Variants in NCDN observed in about 807,000 individuals in gnomAD.
NCDN encodes norbin.
NCDN carries 9 observed loss-of-function variants against 60.7 expected under a neutral mutation model. The ratio of observed to expected loss-of-function variants is 0.15; its 90% CI spans 0.09 to 0.26. NCDN has a LOEUF of 0.26. Ranked by LOEUF, NCDN falls within the 10% of genes least tolerant of loss-of-function variation. NCDN has a pLI of 1.00. For missense variants in NCDN, 578 were observed against 975.2 expected, an observed-to-expected ratio of 0.59 and a Z score of 5.42; for synonymous variants, 409 against 442.5, an observed-to-expected ratio of 0.92 and a Z score of 0.95.
intron 6 of NCDN, among the ~76,000 whole-genome samples, chr1:35,564,906 A>G (rs1175313000): frequency 6.6e-6 from 1 of 151,228 alleles, no homozygotes; most frequent in African/African-American, 2.4e-5. Flanking sequence ...TCTCTCTCCC[A>G]TCTGACCCTG....
Position 35,566,249 on chromosome 1 carries a change from C to G in NCDN, c.*586C>G, listed in dbSNP as rs935745940. On this transcript the variant is annotated 3_prime_UTR_variant, in exon 7 of 7. Coordinates refer to ENST00000373243, the MANE Select transcript of NCDN (RefSeq NM_014284.3). This position sits in a 1 kb window ranked among gnomAD's most constrained non-coding sequence, Gnocchi z 5.3. The stretch of plus-strand genomic sequence containing the variant: ...CCATCCTAGGGCAACCTGGGGCAGA[C>G]AGGCCTGGTGGGGGGTGGGGAAACC... The G allele has an allele frequency of 1.8e-5, 3 of 166,354 alleles. No homozygotes were observed. Among genetic ancestry groups the G allele is most frequent in the Non-Finnish European group, 3.9e-5 (3 of 76,756 alleles). 10.3% of individuals were successfully genotyped at this position (166,354 alleles called of 1,614,324 possible). A position where few individuals can be genotyped will look rare whatever the true frequency, so the allele number is the denominator to read the frequency against.
Position 35,562,623 on chromosome 1 carries a change from G to C in NCDN, c.1375G>C (p.Asp459His), listed in dbSNP as rs1351911818. The C allele has an allele frequency of 3.1e-6, 5 of 1,613,224 alleles. No individual in the cohort carries two copies. The highest frequency in any genetic ancestry group is 4.2e-6 in the Non-Finnish European group (5 of 1,179,444). The change falls in exon 4 of 7, where the codon GAC becomes CAC. Residue 459 changes from aspartate to histidine, a missense_variant. This residue lies in a region of NCDN where 191 missense variants were observed against 372.1 expected (regional missense o/e 0.51). Coordinates refer to ENST00000373243, the MANE Select transcript of NCDN (RefSeq NM_014284.3). The surrounding 1 kb of genome is among the most constrained non-coding windows in gnomAD (Gnocchi z 6.8). ...CACCCCAGGGCCCACCTGGCCAGGA[G>C]ACGCTCTCCGGTGAGTCTGTAGTTA... ...PTTPGPTWPG[D>H]ALRLLLPGWC...
Position 35,565,237 on chromosome 1 carries a change from A to T in NCDN, c.1764A>T (p.Gly588=). The T allele has an allele frequency of 6.2e-7, 1 of 1,608,520 alleles. No individual in the cohort carries two copies. Among genetic ancestry groups the T allele is most frequent in the Non-Finnish European group, 8.5e-7 (1 of 1,176,170 alleles). ...RLLSTSPALQ[G]TPASRGFFAA... Reference sequence around the variant, plus strand: ...TCCGTTACCTTGCAGCTCTTCAGGGAACACCAGCATCCCGAGGGTTCTTCG... The same window carrying T: ...TCCGTTACCTTGCAGCTCTTCAGGGTACACCAGCATCCCGAGGGTTCTTCG... The change falls in exon 7 of 7, where the codon GGA becomes GGT. Residue 588 remains glycine, a synonymous_variant. Coordinates refer to ENST00000373243, the MANE Select transcript of NCDN (RefSeq NM_014284.3). The surrounding 1 kb of genome is among the most constrained non-coding windows in gnomAD (Gnocchi z 8.9).
In NCDN at chr1:35,561,138, G is replaced by A; in HGVS notation, c.987G>A (p.Val329=). ...CACTGGAGGAGACGGGCACGGAGGTGAAAGAGGATGTGGTGACCGCCTGCT... is the reference window on the plus strand; with the variant it reads ...CACTGGAGGAGACGGGCACGGAGGTAAAAGAGGATGTGGTGACCGCCTGCT... ...RLALEETGTE[V]KEDVVTACYA... Residue 329 remains valine, a synonymous_variant, in exon 3 of 7, where the codon GTG becomes GTA. Transcript: ENST00000373243. This position sits in a 1 kb window ranked among gnomAD's most constrained non-coding sequence, Gnocchi z 4.9. 1 of 1,611,428 alleles carries A rather than the reference G, an allele frequency of 6.2e-7. No homozygotes were observed. The highest frequency in any genetic ancestry group is 8.5e-7 in the Non-Finnish European group (1 of 1,178,880).
At position 35,558,244 on chromosome 1, in the gene NCDN, T is replaced by C; in HGVS notation, c.33+21T>C. 1 of 1,613,838 alleles carries C rather than the reference T, an allele frequency of 6.2e-7. No individual in the cohort carries two copies. The highest frequency in any genetic ancestry group is 2.2e-5 in the East Asian group (1 of 44,866). Reference sequence around the variant, plus strand: ...GACAGGTGGTGACCGCCAGGAACCCTCCTCCCCTTCTCATCTCCCCATCTC... The same window carrying C: ...GACAGGTGGTGACCGCCAGGAACCCCCCTCCCCTTCTCATCTCCCCATCTC... On this transcript the variant is annotated intron_variant, in intron 1 of 6. Transcript: ENST00000373243. This position sits in a 1 kb window ranked among gnomAD's most constrained non-coding sequence, Gnocchi z 6.3.
At position 35,558,127 on chromosome 1, in the gene NCDN, C is replaced by A; in HGVS notation, c.-64C>A. On this transcript the variant is annotated 5_prime_UTR_variant, in exon 1 of 7. Transcript: ENST00000373243. This position sits in a 1 kb window ranked among gnomAD's most constrained non-coding sequence, Gnocchi z 6.3. ...CCATGTCGTGATTTTGACGTGATCT[C>A]TCCGTGACATCACCGCGCCATCGTG... is the stretch of plus-strand genomic sequence containing the variant. 1 of 1,609,440 alleles carries A rather than the reference C, an allele frequency of 6.2e-7. No homozygotes were observed. The highest frequency in any genetic ancestry group is 2.2e-5 in the East Asian group (1 of 44,734).
At position 35,565,537 on chromosome 1, in the gene NCDN, G is replaced by A. The variant is rs748699584; in HGVS notation, c.2064G>A (p.Gln688=). 4 of 1,570,084 alleles carry A rather than the reference G, an allele frequency of 2.5e-6. No individual in the cohort carries two copies. Among genetic ancestry groups the A allele is most frequent in the Non-Finnish European group, 3.5e-6 (4 of 1,158,304 alleles). Residue 688 remains glutamine, a synonymous_variant, in exon 7 of 7, where the codon CAG becomes CAA. Coordinates refer to ENST00000373243, the MANE Select transcript of NCDN (RefSeq NM_014284.3). The surrounding 1 kb of genome is among the most constrained non-coding windows in gnomAD (Gnocchi z 8.9). The part of the protein sequence containing the change: ...SVKPEMVAAY[Q]GVLVELARAN... Reference sequence around the variant, plus strand: ...AGCCCGAGATGGTGGCCGCCTATCAGGGTGTCCTGGTGGAGCTGGCGCGGG... The same window carrying A: ...AGCCCGAGATGGTGGCCGCCTATCAAGGTGTCCTGGTGGAGCTGGCGCGGG...
Position 35,561,092 on chromosome 1 carries a change from C to T in NCDN, c.941C>T (p.Ala314Val), listed in dbSNP as rs1225401226. The change falls in exon 3 of 7, where the codon GCG (alanine) becomes GTG (valine). Residue 314 changes from alanine (A) to valine (V), a missense_variant. This residue lies in a region of NCDN where 363 missense variants were observed against 583.6 expected (regional missense o/e 0.62). Coordinates refer to ENST00000373243, the MANE Select transcript of NCDN (RefSeq NM_014284.3). This position sits in a 1 kb window ranked among gnomAD's most constrained non-coding sequence, Gnocchi z 4.9. ...TTCCTGGCCCTGCTGGTGAATCTGG[C>T]GTGCGTGGAAGTGCGGCTGGCACTG... ...SKFLALLVNL[A>V]CVEVRLALEE... The T allele has an allele frequency of 8.1e-6, 13 of 1,613,510 alleles. No homozygotes were observed. Among genetic ancestry groups the T allele is most frequent in the East Asian group, 4.5e-5 (2 of 44,884 alleles).
chr1:35,558,031 T>G lies in NCDN; in HGVS notation c.-160T>G. On this transcript the variant is annotated 5_prime_UTR_variant, in exon 1 of 7. It adds an upstream start codon to the 5' untranslated region. Transcript: ENST00000373243. The surrounding 1 kb of genome is among the most constrained non-coding windows in gnomAD (Gnocchi z 6.3). ...CCATCGTGCCCTGTCGAGACTCCAT[T>G]TTGTCACAGCCCTTTTCAATATATA... 1 of 1,109,094 alleles carries G rather than the reference T, an allele frequency of 9.0e-7. No individual in the cohort carries two copies. Among genetic ancestry groups the G allele is most frequent in the Non-Finnish European group, 1.3e-6 (1 of 779,032 alleles). The allele number at this position is 1,109,094 out of a possible 1,614,324, so 68.7% of individuals were successfully genotyped here.
rs1382695651 is a variant in NCDN, at chr1:35,560,915, C to T, written c.764C>T (p.Pro255Leu). 1.2e-6 allele frequency: 2 copies of T among 1,614,142 alleles called. No individual in the cohort carries two copies. The highest frequency in any genetic ancestry group is 8.5e-7 in the Non-Finnish European group (1 of 1,179,992). The change falls in exon 3 of 7, where the codon CCT (proline) becomes CTT (leucine). Residue 255 changes from proline to leucine, a missense_variant. By Grantham distance (98) the Pro-to-Leu change is moderately conservative. Coordinates refer to ENST00000373243, the MANE Select transcript of NCDN (RefSeq NM_014284.3). The surrounding 1 kb of genome is among the most constrained non-coding windows in gnomAD (Gnocchi z 7.6). ...TTTTTGCCCCCGACAACCGTGCCCC[C>T]TGAATGCTACCGGGATCTGCAGGCC... ...PLFLPPTTVPPECYRDLQAGL... is the reference protein window; with the variant it reads ...PLFLPPTTVPLECYRDLQAGL...
rs189611128 is a variant in NCDN, at chr1:35,560,048, A to G, written c.175-278A>G. On this transcript the variant is annotated intron_variant, in intron 2 of 6. Coordinates refer to ENST00000373243, the MANE Select transcript of NCDN (RefSeq NM_014284.3). This position sits in a 1 kb window ranked among gnomAD's most constrained non-coding sequence, Gnocchi z 7.6. ...CATCCCAGGTTGTGGGCATTTAGAC[A>G]TCAGGAAGAACTTCTCAACTGGCCA... is the stretch of plus-strand genomic sequence containing the variant. 7.9e-5 allele frequency among the ~76,000 whole-genome samples: 12 copies of G among 152,292 alleles called. No homozygotes were observed. In the East Asian group the frequency reaches 2.3e-3, roughly 29 times the overall value.
chr1:35,566,098 A>G lies in NCDN; in HGVS notation c.*435A>G. ...GCTGTGGTGCCTCCTCTGGCCCCCC[A>G]GGTCCACGTCCTTTAAATTGGCCCT... On this transcript the variant is annotated 3_prime_UTR_variant, in exon 7 of 7. Transcript: ENST00000373243. The surrounding 1 kb of genome is among the most constrained non-coding windows in gnomAD (Gnocchi z 5.3). The G allele has an allele frequency of 5.3e-6, 1 of 188,994 alleles. No homozygotes were observed. 11.7% of individuals were successfully genotyped at this position (188,994 alleles called of 1,614,324 possible). A position where few individuals can be genotyped will look rare whatever the true frequency, so the allele number is the denominator to read the frequency against.
Position 35,561,131 on chromosome 1 carries a change from C to T in NCDN, c.980C>T (p.Thr327Met), listed in dbSNP as rs757143203. 3.3e-5 allele frequency: 53 copies of T among 1,612,234 alleles called. No individual in the cohort carries two copies. The highest frequency in any genetic ancestry group is 1.1e-4 in the East Asian group (5 of 44,854). Residue 327 changes from threonine to methionine, a missense_variant, in exon 3 of 7, where the codon ACG becomes ATG. This residue lies in a region of NCDN where 363 missense variants were observed against 583.6 expected (regional missense o/e 0.62). Transcript: ENST00000373243. The surrounding 1 kb of genome is among the most constrained non-coding windows in gnomAD (Gnocchi z 4.9). Reference protein sequence around the residue: ...EVRLALEETGTEVKEDVVTAC... With the variant: ...EVRLALEETGMEVKEDVVTAC... ...CGGCTGGCACTGGAGGAGACGGGCA[C>T]GGAGGTGAAAGAGGATGTGGTGACC...
In NCDN at chr1:35,562,690, C is replaced by A. The variant is rs1648742894; in HGVS notation, c.1385+57C>A. On this transcript the variant is annotated intron_variant, in intron 4 of 6. Transcript: ENST00000373243. The surrounding 1 kb of genome is among the most constrained non-coding windows in gnomAD (Gnocchi z 6.8). The stretch of plus-strand genomic sequence containing the variant: ...ATCATTCTACCGAAAAGCGTTAACA[C>A]AAGGACACCCCTCCCCACAAACTGA... 4 of 1,547,820 alleles carry A rather than the reference C, an allele frequency of 2.6e-6. No homozygotes were observed. Among genetic ancestry groups the A allele is most frequent in the Admixed American group, 1.9e-5 (1 of 53,686 alleles).
intron 6 of NCDN, 144 bp downstream of exon 6, chr1:35,564,053 C>A: frequency 9.8e-7 from 1 of 1,020,804 alleles, no homozygotes; most frequent in Non-Finnish European, 1.4e-6. Context: ...GTATCTCCAT[C>A]CCCTACCCCC....
At chr1:35,564,871 C>G (rs751339259) in intron 6 of NCDN, among the ~76,000 whole-genome samples, 4 of 152,136 alleles carry the variant, frequency 2.6e-5, no homozygotes, top group Admixed American at 2.6e-4. Flanking sequence ...TGTGTCTGAG[C>G]TCTGTGTCCA....
At chr1:35,564,667 A>G (rs995311822) in intron 6 of NCDN, among the ~76,000 whole-genome samples, 16 of 152,216 alleles carry the variant, frequency 1.1e-4, no homozygotes, top group African/African-American at 3.9e-4. Flanking sequence ...GCATCTCTGC[A>G]GCCCCCAATT....
chr1:35,561,612 A>G lies in NCDN; in HGVS notation c.1143+318A>G, dbSNP rs143891221. Among the ~76,000 whole-genome samples the G allele has an allele frequency of 5.9e-4, 90 of 152,210 alleles. No homozygotes were observed. In the East Asian group the frequency reaches 0.011, roughly 18 times the overall value. On this transcript the variant is annotated intron_variant, in intron 3 of 6. Coordinates refer to ENST00000373243, the MANE Select transcript of NCDN (RefSeq NM_014284.3). The surrounding 1 kb of genome is among the most constrained non-coding windows in gnomAD (Gnocchi z 4.9). ...ACTACACGCCACACACCTCTCCCCA[A>G]CACATGCACACAAGATTGAAGCAGT... is the stretch of plus-strand genomic sequence containing the variant.
chr1:35,558,487 A>G lies in NCDN; in HGVS notation c.33+264A>G. The G allele has an allele frequency of 2.1e-6, 3 of 1,400,866 alleles. No individual in the cohort carries two copies. The highest frequency in any genetic ancestry group is 2.8e-6 in the Non-Finnish European group (3 of 1,080,264). The allele number at this position is 1,400,866 out of a possible 1,614,324, so 86.8% of individuals were successfully genotyped here. On this transcript the variant is annotated intron_variant, in intron 1 of 6. Coordinates refer to ENST00000373243, the MANE Select transcript of NCDN (RefSeq NM_014284.3). The surrounding 1 kb of genome is among the most constrained non-coding windows in gnomAD (Gnocchi z 6.3). Reference sequence around the variant, plus strand: ...CCGAGGGAGGGAAAGGAGAGGAGGCAAGGAGCCTGCGGGGGCGACTGAGAG... The same window carrying G: ...CCGAGGGAGGGAAAGGAGAGGAGGCGAGGAGCCTGCGGGGGCGACTGAGAG...
Sources: gnomAD v4.1 joint callset for allele counts (sites outside exome capture counted in the v4.1 genomes callset) on GRCh38, gnomAD v4.1.1 for gene constraint, gnomAD v4.1.1 regional missense constraint, Gnocchi (gnomAD v3.1) non-coding constraint, MANE v1.5 for transcripts, NCBI Gene and HGNC (gene_info 2026-07-23, HGNC 2026-07-21) for gene names.